The following FOXN3 variants were observed in gnomAD, a reference collection of about 807,000 sequenced individuals.
The protein encoded by FOXN3 is forkhead box N3.
A neutral mutation model predicts 38.4 loss-of-function variants in FOXN3; 7 were observed. The ratio of observed to expected loss-of-function variants is 0.18; its 90% CI spans 0.10 to 0.34. The LOEUF (loss-of-function observed/expected upper bound fraction) is 0.34, where lower values mean the gene tolerates loss of function less well. Among genes scored for constraint, FOXN3 ranks in the 10% least tolerant of loss-of-function variants. The pLI is 1.00. For missense variants in FOXN3, 456 were observed against 613.4 expected, an observed-to-expected ratio of 0.74 and a Z score of 2.71; for synonymous variants, 230 against 242.2, an observed-to-expected ratio of 0.95 and a Z score of 0.47.
chr14:89,505,975 G>A (rs1287726143), intron 1 of FOXN3, among the ~76,000 whole-genome samples: 2 of 151,156 alleles, frequency 1.3e-5, no homozygotes, highest in Non-Finnish European at 3.0e-5. Flanking sequence ...CCCCGTCTGA[G>A]AAGTGAGGAG....
intron 2 of FOXN3, among the ~76,000 whole-genome samples, chr14:89,356,155 T>G (rs1389167982): frequency 6.6e-6 from 1 of 152,116 alleles, no homozygotes; most frequent in Non-Finnish European, 1.5e-5. Flanking sequence ...CCCAGCACTT[T>G]GGGAGGCCGA....
chr14:89,587,569 A>G (rs1895865718), intron 1 of FOXN3, among the ~76,000 whole-genome samples: 2 of 152,156 alleles, frequency 1.3e-5, no homozygotes, highest in African/African-American at 4.8e-5. Flanking sequence ...TCTCCGGGGA[A>G]AAAAGCTCAG....
chr14:89,600,456 C>T (rs1352060094), intron 1 of FOXN3, among the ~76,000 whole-genome samples: 1 of 152,172 alleles, frequency 6.6e-6, no homozygotes, highest in Non-Finnish European at 1.5e-5. Context: ...TGTAGGGCCC[C>T]TTCTAATCTC....
intron 4 of FOXN3, among the ~76,000 whole-genome samples, chr14:89,235,411 C>T (rs879865705): frequency 5.9e-5 from 9 of 152,072 alleles, no homozygotes; most frequent in Non-Finnish European, 1.2e-4. Flanking sequence ...TCAGCACCAG[C>T]GGCTCTTGGA....
chr14:89,334,941 A>G (rs944071000), intron 3 of FOXN3, among the ~76,000 whole-genome samples: 4 of 151,854 alleles, frequency 2.6e-5, no homozygotes, highest in Admixed American at 2.6e-4. Flanking sequence ...TAATTTTTGT[A>G]TTTTTAGTAG....
At chr14:89,166,513 G>A (rs1317869456) in intron 5 of FOXN3, among the ~76,000 whole-genome samples, 1 of 152,180 alleles carries the variant, frequency 6.6e-6, no homozygotes, top group Admixed American at 6.5e-5. Flanking sequence ...CATGGTTGTT[G>A]AGTGGGGTGG....
At chr14:89,386,364 C>T (rs1373403079) in intron 2 of FOXN3, among the ~76,000 whole-genome samples, 1 of 152,230 alleles carries the variant, frequency 6.6e-6, no homozygotes, top group East Asian at 1.9e-4. Context: ...CACATGTGGT[C>T]TCCCATCTGT....
At chr14:89,615,667 AAGAAAGCTCCCTAC>A (rs1896481374) in intron 1 of FOXN3, among the ~76,000 whole-genome samples, 1 of 152,238 alleles carries the variant, frequency 6.6e-6, no homozygotes, top group South Asian at 2.1e-4. Flanking sequence ...ACTTGCAGAT[AAGAAAGCTCCCTAC>A]AGGAAATCCT....
intron 1 of FOXN3, among the ~76,000 whole-genome samples, chr14:89,581,033 T>A (rs1243948308): frequency 6.7e-6 from 1 of 150,002 alleles, no homozygotes; most frequent in African/African-American, 2.5e-5. Context: ...AAAAAAAAAA[T>A]TAGCCAATCG....
At chr14:89,386,007 C>T (rs948263494) in intron 2 of FOXN3, among the ~76,000 whole-genome samples, 1 of 152,238 alleles carries the variant, frequency 6.6e-6, no homozygotes, top group Non-Finnish European at 1.5e-5. Context: ...AGACTCACAA[C>T]GGTTCTACTC....
chr14:89,211,932 G>C (rs534766676), intron 4 of FOXN3, among the ~76,000 whole-genome samples: 1 of 152,288 alleles, frequency 6.6e-6, no homozygotes, highest in African/African-American at 2.4e-5. Context: ...CCTTTGGGAG[G>C]TGATAGAGTT....
At chr14:89,380,609 C>T (rs779479667) in intron 2 of FOXN3, among the ~76,000 whole-genome samples, 18 of 152,222 alleles carry the variant, frequency 1.2e-4, no homozygotes, top group Non-Finnish European at 2.4e-4. Context: ...GGAACCACAC[C>T]CCTTATAAGT....
chr14:89,566,087 G>A (rs1895344270), intron 1 of FOXN3, among the ~76,000 whole-genome samples: 1 of 152,146 alleles, frequency 6.6e-6, no homozygotes, highest in Non-Finnish European at 1.5e-5. Context: ...CTGGCCGGTG[G>A]GCTCCTCGGA....
intron 3 of FOXN3, among the ~76,000 whole-genome samples, chr14:89,333,766 A>AC (rs1566959209): frequency 7.6e-5 from 10 of 130,754 alleles, no homozygotes; most frequent in South Asian, 2.7e-4. Context: ...AAAAAAAAAA[A>AC]AAAAAAAAAA....
Position 89,159,983 on chromosome 14 carries a change from C to T in FOXN3, c.*2431G>A, listed in dbSNP as rs987726518. The stretch of plus-strand genomic sequence containing the variant: ...CACCGGAAGGTAAGTGTGGGGAATG[C>T]ACCAGTTAGTTCCCACTGTCCGGGC... On this transcript the variant is annotated 3_prime_UTR_variant, in exon 6 of 6. Coordinates refer to ENST00000557258, the MANE Select transcript of FOXN3 (RefSeq NM_005197.4). 1 of 152,178 alleles carries T rather than the reference C, an allele frequency of 6.6e-6. No individual in the cohort carries two copies. The highest frequency in any genetic ancestry group is 1.5e-5 in the Non-Finnish European group (1 of 68,048). 9.4% of individuals were successfully genotyped at this position (152,178 alleles called of 1,614,324 possible). A position where few individuals can be genotyped will look rare whatever the true frequency, so the allele number is the denominator to read the frequency against.
intron 1 of FOXN3, among the ~76,000 whole-genome samples, chr14:89,564,028 T>G (rs1354686469): frequency 6.6e-6 from 1 of 151,972 alleles, no homozygotes; most frequent in African/African-American, 2.4e-5. Flanking sequence ...TTTGTTTGTA[T>G]TTTTTTAGTA....
intron 2 of FOXN3, among the ~76,000 whole-genome samples, chr14:89,368,308 TAA>T (rs34686535): frequency 1.6e-5 from 2 of 123,018 alleles, no homozygotes; most frequent in Non-Finnish European, 3.3e-5. Flanking sequence ...CCAGCCTGGA[TAA>T]AAAGAGTGAA....
At chr14:89,559,556 G>A (rs1317102764) in intron 1 of FOXN3, among the ~76,000 whole-genome samples, 8 of 152,036 alleles carry the variant, frequency 5.3e-5, no homozygotes, top group Non-Finnish European at 1.0e-4. Flanking sequence ...GGTACCTGTA[G>A]TCCCAGCTAC....
At position 89,318,354 on chromosome 14, in the gene FOXN3, T is replaced by C. The variant is rs113504953; in HGVS notation, c.680+32318A>G. Among the ~76,000 whole-genome samples the C allele has an allele frequency of 3.8e-3, 574 of 152,136 alleles. 8 individuals carry two copies. The highest frequency in any genetic ancestry group is 0.013 in the African/African-American group (553 of 41,502). Reference sequence around the variant, plus strand: ...TTGTATTTTTAGTAGAGATGGAGTTTCACCATGTTGACCAGGCTGGTCTCA... The same window carrying C: ...TTGTATTTTTAGTAGAGATGGAGTTCCACCATGTTGACCAGGCTGGTCTCA... On this transcript the variant is annotated intron_variant, in intron 3 of 5. Coordinates refer to ENST00000557258, the MANE Select transcript of FOXN3 (RefSeq NM_005197.4).
Sources: gnomAD v4.1 joint callset for allele counts (sites outside exome capture counted in the v4.1 genomes callset) on GRCh38, gnomAD v4.1.1 for gene constraint, MANE v1.5 for transcripts, NCBI Gene and HGNC (gene_info 2026-07-23, HGNC 2026-07-21) for gene names.